The following ANO6 variants were observed in gnomAD, a reference collection of about 807,000 sequenced individuals.
The protein encoded by ANO6 is anoctamin-6.
Under a neutral mutation model 117.5 loss-of-function variants are expected in ANO6, and 106 were observed. The ratio of observed to expected loss-of-function variants is 0.90; its 90% confidence interval spans 0.77 to 1.06. The LOEUF (loss-of-function observed/expected upper bound fraction) is 1.06, where lower values mean the gene tolerates loss of function less well. Among genes scored for constraint, ANO6 ranks in the 50% least tolerant of loss-of-function variants. The probability of loss-of-function intolerance (pLI) is 0.00; values close to 1 mark genes in which losing one functional copy is unlikely to be tolerated. For missense variants in ANO6, 955 were observed against 1,121.1 expected, an observed-to-expected ratio of 0.85 and a Z score of 2.12; for synonymous variants, 367 against 385.1, an observed-to-expected ratio of 0.95 and a Z score of 0.55.
intron 1 of ANO6, among the ~76,000 whole-genome samples, chr12:45,280,388 G>T (rs1938686120): frequency 6.6e-6 from 1 of 152,132 alleles, no homozygotes; most frequent in African/African-American, 2.4e-5. Context: ...TGACCCTGTG[G>T]CCTACAGACC....
rs367965175 is a variant in ANO6 at position 45,429,271 on chromosome 12, T to C, written c.2693T>C (p.Ile898Thr). Residue 898 changes from isoleucine (I) to threonine (T), a missense_variant, in exon 20 of 20, where the codon ATA (isoleucine) becomes ACA (threonine). Ile to Thr is a moderately conservative substitution (Grantham distance 89). Coordinates refer to ENST00000320560, the MANE Select transcript of ANO6 (RefSeq NM_001025356.3). ...KNMGVIAERM[I>T]EAVDNNLRPK... The stretch of plus-strand genomic sequence containing the variant: ...ATGGGGGTGATAGCTGAGCGGATGA[T>C]AGAAGCAGTAGATAACAATTTACGG... 8.1e-6 allele frequency: 13 copies of C among 1,613,656 alleles called. No individual in the cohort carries two copies. In the African/African-American group the frequency reaches 1.7e-4, roughly 22 times the overall value.
At chr12:45,242,165 G>A (rs557287902) in intron 1 of ANO6, among the ~76,000 whole-genome samples, 5 of 152,334 alleles carry the variant, frequency 3.3e-5, no homozygotes, top group East Asian at 1.9e-4. Context: ...CAGCTATGCC[G>A]TGCCCACGAA....
rs1271439557 is a variant in ANO6 at position 45,397,663 on chromosome 12, G to T, written c.1387-4132G>T. Among the ~76,000 whole-genome samples the T allele has an allele frequency of 2.7e-5, 4 of 150,534 alleles. No individual in the cohort carries two copies. In the South Asian group the frequency reaches 8.3e-4, roughly 31 times the overall value. On this transcript the variant is annotated intron_variant, in intron 12 of 19. Transcript: ENST00000320560. ...TGGAATACTATGCAGCCATAAAAAA[G>T]GATGAGTTCATGTCTGTTGCAGGGA...
rs1006124061 is a variant in ANO6 at position 45,245,655 on chromosome 12, A to C, written c.70+29264A>C. On this transcript the variant is annotated intron_variant, in intron 1 of 19. Transcript: ENST00000320560. ...TACTTCACTACTTACTGGTTGTACA[A>C]CCTTAACTGTTAAAGCTTTCTGAGC... 1.3e-5 allele frequency among the ~76,000 whole-genome samples: 2 copies of C among 152,040 alleles called. 1 individual carries two copies. The highest frequency in any genetic ancestry group is 1.3e-4 in the Admixed American group (2 of 15,262).
At chr12:45,379,382 A>G (rs1233333823) in intron 10 of ANO6, among the ~76,000 whole-genome samples, 1 of 152,222 alleles carries the variant, frequency 6.6e-6, no homozygotes, top group Non-Finnish European at 1.5e-5. Context: ...CAAACATCCC[A>G]GTCAGTTACA....
chr12:45,245,106 T>A (rs951934985), intron 1 of ANO6, among the ~76,000 whole-genome samples: 4 of 152,164 alleles, frequency 2.6e-5, no homozygotes, highest in Non-Finnish European at 5.9e-5. Flanking sequence ...TTCTCTTCCC[T>A]AGAAATCTCA....
intron 3 of ANO6, among the ~76,000 whole-genome samples, chr12:45,346,655 T>C (rs913436359): frequency 6.6e-6 from 1 of 152,174 alleles, no homozygotes; most frequent in Non-Finnish European, 1.5e-5. Flanking sequence ...CTCGTATCAG[T>C]GAATAGGACT....
intron 1 of ANO6, among the ~76,000 whole-genome samples, chr12:45,277,209 G>A (rs1938582129): frequency 6.6e-6 from 1 of 152,046 alleles, no homozygotes; most frequent in Non-Finnish European, 1.5e-5. Flanking sequence ...AGTATGCAGT[G>A]TTTACTTTAT....
At chr12:45,346,855 C>CAAGAGCTGCTT (rs1011216684) in intron 3 of ANO6, among the ~76,000 whole-genome samples, 167 bp from the exon 4 acceptor site, 1 of 152,188 alleles carries the variant, frequency 6.6e-6, no homozygotes, top group Non-Finnish European at 1.5e-5. Flanking sequence ...TCACCAGCAG[C>CAAGAGCTGCTT]AAGAGCTGCT....
intron 1 of ANO6, among the ~76,000 whole-genome samples, chr12:45,264,064 C>T (rs1446819078): frequency 1.3e-5 from 2 of 152,112 alleles, no homozygotes; most frequent in African/African-American, 4.8e-5. Flanking sequence ...AAGGAACATT[C>T]GGAAGGAAAC....
chr12:45,348,443 T>C, intron 5 of ANO6, 75 bp from the exon 6 acceptor site: 1 of 1,544,588 alleles, frequency 6.5e-7, no homozygotes, highest in South Asian at 1.1e-5. Flanking sequence ...CAGATTTGTG[T>C]TACAGTAGTA....
intron 2 of ANO6, among the ~76,000 whole-genome samples, chr12:45,306,643 CAT>C (rs1312872004): frequency 1.3e-5 from 2 of 152,020 alleles, no homozygotes; most frequent in Admixed American, 6.6e-5. Flanking sequence ...TATGAAAACA[CAT>C]GTGATCCCAA....
At chr12:45,370,784 G>C (rs1044100019) in intron 9 of ANO6, among the ~76,000 whole-genome samples, 2 of 152,190 alleles carry the variant, frequency 1.3e-5, no homozygotes, top group African/African-American at 4.8e-5. Context: ...AGGTGGAAAG[G>C]ATTGTTCCCC....
intron 1 of ANO6, among the ~76,000 whole-genome samples, chr12:45,226,382 TCTA>T (rs980918327): frequency 1.4e-4 from 21 of 152,222 alleles, no homozygotes; most frequent in African/African-American, 4.8e-4. Flanking sequence ...ACATTGGAAT[TCTA>T]CTATTTCCCA....
intron 1 of ANO6, among the ~76,000 whole-genome samples, chr12:45,238,151 CTTTTTTTT>C (rs71437709): frequency 7.6e-6 from 1 of 130,874 alleles, no homozygotes; most frequent in Admixed American, 7.7e-5. Context: ...TTTTCTTTTT[CTTTTTTTT>C]TTTTTTTTTG....
chr12:45,435,544 C>T (rs776743403), downstream of ANO6, among the ~76,000 whole-genome samples: 56 of 152,192 alleles, frequency 3.7e-4, no homozygotes, highest in Non-Finnish European at 4.4e-4. Flanking sequence ...TTCCTTCCCA[C>T]CTACCCTGCA....
intron 12 of ANO6, among the ~76,000 whole-genome samples, chr12:45,392,758 A>G (rs1942489513): frequency 6.6e-6 from 1 of 152,322 alleles, no homozygotes; most frequent in South Asian, 2.1e-4. Context: ...GAGGGACCTG[A>G]CTGTTAGAAG....
chr12:45,390,183 C>T (rs916218377), intron 11 of ANO6, among the ~76,000 whole-genome samples: 2 of 152,016 alleles, frequency 1.3e-5, no homozygotes, highest in African/African-American at 4.8e-5. Context: ...GGGTCGTGGC[C>T]GATAAACAGT....
At chr12:45,342,540 A>G (rs931645005) in intron 3 of ANO6, among the ~76,000 whole-genome samples, 3 of 152,026 alleles carry the variant, frequency 2.0e-5, no homozygotes, top group African/African-American at 4.8e-5. Flanking sequence ...TTTCTACACC[A>G]TGTCCTGTAA....
Sources: gnomAD v4.1 joint callset for allele counts (sites outside exome capture counted in the v4.1 genomes callset) on GRCh38, gnomAD v4.1.1 for gene constraint, MANE v1.5 for transcripts, NCBI Gene and HGNC (gene_info 2026-07-23, HGNC 2026-07-21) for gene names.